NINL: variants seen among roughly 807,000 people sequenced by gnomAD.
NINL encodes the protein ninein-like protein.
NINL carries 153 observed loss-of-function variants against 160.3 expected under a neutral mutation model. That is an observed-to-expected ratio of 0.95 (90% CI 0.84 to 1.09). NINL has a LOEUF of 1.09. Ranked by LOEUF, NINL falls within the 50% of genes least tolerant of loss-of-function variation. NINL has a pLI of 0.00. For missense variants in NINL, 1,829 were observed against 1,764.0 expected (o/e 1.04, Z -0.66); for synonymous variants, 800 against 734.8 (o/e 1.09, Z -1.43).
Position 25,476,914 on chromosome 20 carries a change from C to T in NINL, c.2377G>A (p.Glu793Lys), listed in dbSNP as rs772333856. 11 of 1,612,750 alleles carry T rather than the reference C, an allele frequency of 6.8e-6. No individual in the cohort carries two copies. The highest frequency in any genetic ancestry group is 1.1e-5 in the South Asian group (1 of 91,052). ...RALKLQPCAS[E>K]KRAQMCVSLA... ...GATACGCACATCTGGGCGCGCTTCT[C>T]GCTCGCACAGGGCTGCAGCTTCAGT... The change falls in exon 17 of 24, where the codon GAG (glutamate) becomes AAG (lysine). Residue 793 changes from glutamate (E) to lysine (K), a missense_variant. By Grantham distance (56) the Glu-to-Lys change is moderately conservative (BLOSUM62 1). Transcript: ENST00000278886.
intron 18 of NINL, among the ~76,000 whole-genome samples, chr20:25,468,653 T>C (rs879296808): frequency 0.036 from 990 of 27,218 alleles, no homozygotes; most frequent in Middle Eastern, 0.12. Flanking sequence ...TGTCCCCCAA[T>C]TCTCACTGGT....
In NINL at chr20:25,500,578, C is replaced by T. The variant is rs556891672; in HGVS notation, c.1032+262G>A. 1.8e-4 allele frequency among the ~76,000 whole-genome samples: 27 copies of T among 152,344 alleles called. No individual in the cohort carries two copies. The East Asian group carries it at 5.2e-3, about 29-fold the overall frequency. The stretch of plus-strand genomic sequence containing the variant: ...CCAACATTCAGGGGAAATGTCTAAG[C>T]CACTAAAGGCTACCTTCAAATGGAC... On this transcript the variant is annotated intron_variant, in intron 8 of 23. Transcript: ENST00000278886.
chr20:25,458,259 T>G, intron 22 of NINL, 124 bp downstream of exon 22: 7 of 1,286,076 alleles, frequency 5.4e-6, no homozygotes, highest in Non-Finnish European at 6.6e-6. Flanking sequence ...CCTTACCATC[T>G]GACATGCTAC....
At chr20:25,553,103 G>GTTTTTTTTTTTTTTTT (rs760131174) in intron 1 of NINL, among the ~76,000 whole-genome samples, 1 of 58,048 alleles carries the variant, frequency 1.7e-5, no homozygotes. Flanking sequence ...ACCCTTGTTG[G>GTTTTTTTTTTTTTTTT]GTTTTTTTTT....
chr20:25,536,695 G>T (rs998880054), intron 1 of NINL, among the ~76,000 whole-genome samples: 1 of 152,034 alleles, frequency 6.6e-6, no homozygotes, highest in Admixed American at 6.5e-5. Context: ...CTCCAGCCTG[G>T]GCGATAGAGT....
intron 1 of NINL, among the ~76,000 whole-genome samples, chr20:25,552,856 C>G (rs114886594): frequency 0.012 from 1,822 of 152,364 alleles, 28 homozygotes; most frequent in African/African-American, 0.039. Context: ...CCGAGCCTAT[C>G]TGCGAAGGTC....
intron 2 of NINL, among the ~76,000 whole-genome samples, chr20:25,518,065 C>T (rs890265311): frequency 1.3e-5 from 2 of 152,216 alleles, no homozygotes; most frequent in African/African-American, 4.8e-5. Flanking sequence ...ACCAAATAAA[C>T]ACTATCAACA....
intron 2 of NINL, among the ~76,000 whole-genome samples, chr20:25,523,637 ATTTG>A (rs2064302024): frequency 6.6e-6 from 1 of 151,862 alleles, no homozygotes; most frequent in Non-Finnish European, 1.5e-5. Context: ...GATATGTAGT[ATTTG>A]TTTGTTTGCT....
At chr20:25,468,333 C>A (rs1299166925) in intron 18 of NINL, among the ~76,000 whole-genome samples, 7 of 151,446 alleles carry the variant, frequency 4.6e-5, no homozygotes, top group Admixed American at 2.6e-4. Context: ...GGTCCCCCAA[C>A]TCTCACTGGT....
intron 10 of NINL, among the ~76,000 whole-genome samples, chr20:25,493,986 T>C (rs2063694122): frequency 6.6e-6 from 1 of 151,836 alleles, no homozygotes; most frequent in South Asian, 2.1e-4. Context: ...CACAGGGGCT[T>C]CCCACCACCA....
intron 1 of NINL, among the ~76,000 whole-genome samples, chr20:25,584,727 C>A (rs1177133993): frequency 6.6e-6 from 1 of 152,164 alleles, no homozygotes; most frequent in East Asian, 1.9e-4. Flanking sequence ...CGTGGCCACC[C>A]TTCCTCACGT....
intron 19 of NINL, 120 bp downstream of exon 19, chr20:25,467,269 C>A: frequency 1.1e-6 from 1 of 907,602 alleles, no homozygotes. Context: ...CAGTCAGCAA[C>A]TCACTGTCAA....
intron 13 of NINL, 86 bp from the exon 14 acceptor site, chr20:25,482,186 C>A (rs2063405212): frequency 6.7e-7 from 1 of 1,486,700 alleles, no homozygotes; most frequent in African/African-American, 1.4e-5. Flanking sequence ...AGGGGGGTCC[C>A]TTGCAGGTGA....
intron 1 of NINL, among the ~76,000 whole-genome samples, chr20:25,562,650 C>A (rs1281100015): frequency 1.6e-3 from 231 of 148,010 alleles, no homozygotes; most frequent in South Asian, 1.8e-3. Context: ...CAGGGACACA[C>A]ACACTCTGCC....
intron 17 of NINL, among the ~76,000 whole-genome samples, chr20:25,474,783 T>A (rs2063190220): frequency 6.6e-6 from 1 of 151,414 alleles, no homozygotes; most frequent in Admixed American, 6.6e-5. Context: ...CCCGGCTAAT[T>A]TTTGTATTTT....
chr20:25,582,876 TG>T (rs1188701991), intron 1 of NINL, among the ~76,000 whole-genome samples: 19 of 152,078 alleles, frequency 1.2e-4, no homozygotes, highest in South Asian at 6.2e-4. Flanking sequence ...AAACAAGCAA[TG>T]GGGAAAGGAT....
intron 3 of NINL, among the ~76,000 whole-genome samples, chr20:25,515,522 A>C (rs1460214015): frequency 2.0e-5 from 3 of 152,154 alleles, no homozygotes; most frequent in Admixed American, 6.5e-5. Context: ...GACTTGTTAC[A>C]AGGCATGATT....
chr20:25,462,455 G>A lies in NINL; in HGVS notation c.3510C>T (p.Asn1170=), dbSNP rs763320423. Residue 1170 remains asparagine (N), a synonymous_variant, in exon 20 of 24, where the codon AAC becomes AAT. Transcript: ENST00000278886. ...GQEASTHQAQ[N]EEHRVTIQML... ...TCTGAATGGTCACACGATGCTCCTCGTTTTGGGCCTGGTGGGTAGAAGCCT... is the reference window on the plus strand; with the variant it reads ...TCTGAATGGTCACACGATGCTCCTCATTTTGGGCCTGGTGGGTAGAAGCCT... 2.5e-5 allele frequency: 40 copies of A among 1,614,074 alleles called. No individual in the cohort carries two copies. In the South Asian group the frequency reaches 2.5e-4, roughly 10 times the overall value.
intron 1 of NINL, among the ~76,000 whole-genome samples, chr20:25,534,580 A>G (rs1477136133): frequency 6.6e-6 from 1 of 152,236 alleles, no homozygotes; most frequent in Non-Finnish European, 1.5e-5. Context: ...ATTGTAACAC[A>G]ATGGTAATCC....
Sources: allele counts gnomAD v4.1 joint callset (sites outside exome capture counted in the v4.1 genomes callset), GRCh38; gene constraint gnomAD v4.1.1; transcripts MANE v1.5; gene names NCBI Gene and HGNC (gene_info 2026-07-23, HGNC 2026-07-21).